The following CLNK variants were observed in gnomAD, a reference collection of about 807,000 sequenced individuals.
CLNK encodes cytokine-dependent hematopoietic cell linker.
CLNK carries 74 observed loss-of-function variants against 68.6 expected under a neutral mutation model. The observed-to-expected ratio is 1.08, with a 90% confidence interval of 0.89 to 1.31. The LOEUF (loss-of-function observed/expected upper bound fraction) is 1.31, where lower values mean the gene tolerates loss of function less well. Ranked by LOEUF, CLNK falls within the 50% of genes most tolerant of loss-of-function variation. The pLI is 0.00. For missense variants in CLNK, 553 were observed against 515.3 expected (o/e 1.07, Z -0.71); for synonymous variants, 198 against 172.2 (o/e 1.15, Z -1.17).
chr4:10,660,957 GA>G (rs1287826584), intron 2 of CLNK, among the ~76,000 whole-genome samples: 1 of 152,160 alleles, frequency 6.6e-6, no homozygotes, highest in Non-Finnish European at 1.5e-5. Flanking sequence ...TCAGAGGACA[GA>G]CCCAGTTGGC....
intron 4 of CLNK, 74 bp from the exon 5 acceptor site, chr4:10,571,852 G>A (rs376823941): frequency 7.9e-6 from 9 of 1,141,304 alleles, no homozygotes; most frequent in Non-Finnish European, 1.0e-5. Context: ...CTGGGCCCTT[G>A]TTTTTCTCCA....
chr4:10,652,221 A>G (rs1723771551), intron 2 of CLNK, among the ~76,000 whole-genome samples: 1 of 151,906 alleles, frequency 6.6e-6, no homozygotes, highest in Admixed American at 6.6e-5. Context: ...TCTCTACTAA[A>G]AAATACAAAT....
In CLNK at chr4:10,501,343, A is replaced by C. The variant is rs779608229; in HGVS notation, c.1053T>G (p.Phe351Leu). The stretch of plus-strand genomic sequence containing the variant: ...TTACATTGTAGACTTTGTTCTCATA[A>C]AACACAGCCAAAACATAGGGCTCTT... ...SKEEPYVLAV[F>L]YENKVYNVKI... The change falls in exon 18 of 19, where the codon TTT becomes TTG. Residue 351 changes from phenylalanine to leucine, a missense_variant. By Grantham distance (22) the Phe-to-Leu change is conservative. Transcript: ENST00000226951. 6.2e-7 allele frequency: 1 copy of C among 1,609,912 alleles called. No individual in the cohort carries two copies. Among genetic ancestry groups the C allele is most frequent in the Non-Finnish European group, 8.5e-7 (1 of 1,178,836 alleles).
chr4:10,678,667 C>A (rs1024125589), intron 1 of CLNK, among the ~76,000 whole-genome samples: 3 of 152,168 alleles, frequency 2.0e-5, no homozygotes, highest in African/African-American at 7.2e-5. Context: ...TGATAGGCAA[C>A]TTCAGCAAAG....
chr4:10,609,317 T>G (rs191395773), intron 2 of CLNK, among the ~76,000 whole-genome samples: 5 of 152,360 alleles, frequency 3.3e-5, no homozygotes, highest in Admixed American at 1.3e-4. Context: ...GGTTCATACT[T>G]AGTCAGAACT....
Position 10,490,279 on chromosome 4 carries a change from T to C in CLNK, c.*188A>G, listed in dbSNP as rs1716511705. 8 of 486,722 alleles carry C rather than the reference T, an allele frequency of 1.6e-5. No homozygotes were observed. Among genetic ancestry groups the C allele is most frequent in the East Asian group, 6.7e-5 (2 of 29,830 alleles). 30.2% of individuals were successfully genotyped at this position (486,722 alleles called of 1,614,324 possible). A position where few individuals can be genotyped will look rare whatever the true frequency, so the allele number is the denominator to read the frequency against. ...GAATGTTTTTATTTTTTGCATGTTA[T>C]AAATATTTTCTCTGTGGTTTGAACT... is the stretch of plus-strand genomic sequence containing the variant. On this transcript the variant is annotated 3_prime_UTR_variant, in exon 19 of 19. Transcript: ENST00000226951.
At chr4:10,606,335 G>T (rs1314221656) in intron 2 of CLNK, among the ~76,000 whole-genome samples, 1 of 152,118 alleles carries the variant, frequency 6.6e-6, no homozygotes, top group Non-Finnish European at 1.5e-5. Flanking sequence ...GTCGTCAGGG[G>T]CAATGACACG....
At chr4:10,617,541 TTGGTAGTTA>T (rs1286981042) in intron 2 of CLNK, among the ~76,000 whole-genome samples, 2 of 152,232 alleles carry the variant, frequency 1.3e-5, no homozygotes. Flanking sequence ...TACTAGACAC[TTGGTAGTTA>T]TGCAAAACTC....
At chr4:10,668,842 C>G (rs925629064) in intron 1 of CLNK, among the ~76,000 whole-genome samples, 1 of 152,166 alleles carries the variant, frequency 6.6e-6, no homozygotes, top group Non-Finnish European at 1.5e-5. Flanking sequence ...CCTGGATCTC[C>G]TGATGCCATC....
At chr4:10,620,109 G>A (rs1479171384) in intron 2 of CLNK, among the ~76,000 whole-genome samples, 3 of 152,108 alleles carry the variant, frequency 2.0e-5, no homozygotes, top group Admixed American at 6.5e-5. Context: ...AAAGGGGAGA[G>A]AACTGAGCAT....
chr4:10,520,461 T>G (rs576738629), intron 15 of CLNK, among the ~76,000 whole-genome samples: 1 of 152,172 alleles, frequency 6.6e-6, no homozygotes, highest in Non-Finnish European at 1.5e-5. Flanking sequence ...GGAAAACACA[T>G]CTAGGGCAGT....
At chr4:10,692,943 A>G in the CLNK span, among the ~76,000 whole-genome samples, 2 of 152,332 alleles carry the variant, frequency 1.3e-5, 1 homozygote, top group Non-Finnish European at 2.9e-5. Context: ...TCTTAGATCA[A>G]GGTATGGCTC....
chr4:10,671,325 G>T (rs1724628158), intron 1 of CLNK, among the ~76,000 whole-genome samples: 1 of 152,012 alleles, frequency 6.6e-6, no homozygotes, highest in Non-Finnish European at 1.5e-5. Context: ...GGTAGAGGCT[G>T]CAGTGAGCCA....
chr4:10,728,858 C>G, the CLNK span, among the ~76,000 whole-genome samples: 7 of 152,056 alleles, frequency 4.6e-5, no homozygotes, highest in Admixed American at 1.3e-4. Context: ...CTTGGCCTCC[C>G]AAAGTGCTGG....
At chr4:10,563,585 T>G (rs1205270902) in intron 7 of CLNK, among the ~76,000 whole-genome samples, 1 of 152,182 alleles carries the variant, frequency 6.6e-6, no homozygotes, top group African/African-American at 2.4e-5. Context: ...ACAATGAGGC[T>G]TCCCCTGTTT....
chr4:10,516,657 A>G (rs957024222), intron 15 of CLNK, among the ~76,000 whole-genome samples: 3 of 150,402 alleles, frequency 2.0e-5, no homozygotes, highest in African/African-American at 7.4e-5. Flanking sequence ...GGTTCAAGCA[A>G]CTCTCCTGCC....
intron 1 of CLNK, among the ~76,000 whole-genome samples, chr4:10,679,780 T>C (rs961637196): frequency 1.3e-5 from 2 of 152,222 alleles, no homozygotes; most frequent in African/African-American, 2.4e-5. Context: ...TCATCATCAC[T>C]GGCCATCAGA....
At chr4:10,619,738 G>C (rs1722360217) in intron 2 of CLNK, among the ~76,000 whole-genome samples, 1 of 152,202 alleles carries the variant, frequency 6.6e-6, no homozygotes, top group Non-Finnish European at 1.5e-5. Context: ...CGGTCAGCAT[G>C]GTGTGCTATG....
chr4:10,531,539 C>A, intron 12 of CLNK: 2 of 290,492 alleles, frequency 6.9e-6, no homozygotes, highest in East Asian at 1.9e-4. Context: ...TGGGTTCAAG[C>A]GATTCTCCTT....
Sources: gnomAD v4.1 joint callset for allele counts (sites outside exome capture counted in the v4.1 genomes callset) on GRCh38, gnomAD v4.1.1 for gene constraint, MANE v1.5 for transcripts, NCBI Gene and HGNC (gene_info 2026-07-23, HGNC 2026-07-21) for gene names.